The following CSMD3 variants were observed in gnomAD, a reference collection of about 807,000 sequenced individuals.
The protein encoded by CSMD3 is CUB and sushi domain-containing protein 3.
In CSMD3, 177 loss-of-function variants were observed where a neutral mutation model predicts 435.2. The observed-to-expected ratio is 0.41, with a 90% confidence interval of 0.36 to 0.46. The LOEUF (loss-of-function observed/expected upper bound fraction) is 0.46. CSMD3 is among the 20% of genes least tolerant of loss of function. The pLI, the probability that CSMD3 is intolerant of heterozygous loss-of-function variation, is 0.34. For missense variants in CSMD3, 4,265 were observed against 4,504.6 expected, an observed-to-expected ratio of 0.95 and a Z score of 1.52; for synonymous variants, 1,656 against 1,520.5, an observed-to-expected ratio of 1.09 and a Z score of -2.07.
At chr8:113,318,786 A>ATATGTGTGTG (rs71566042) in intron 1 of CSMD3, among the ~76,000 whole-genome samples, 2 of 140,066 alleles carry the variant, frequency 1.4e-5, no homozygotes, top group African/African-American at 2.7e-5. Flanking sequence ...GCTGAATAAG[A>ATATGTGTGTG]TGTGTGTGTG....
At chr8:112,312,551 T>A (rs1822088004) in intron 49 of CSMD3, among the ~76,000 whole-genome samples, 2 of 152,088 alleles carry the variant, frequency 1.3e-5, no homozygotes, top group African/African-American at 4.8e-5. Context: ...CCACCGCGCC[T>A]GGCCATGTTT....
At chr8:112,430,551 A>G (rs1271440682) in intron 32 of CSMD3, among the ~76,000 whole-genome samples, 1 of 151,874 alleles carries the variant, frequency 6.6e-6, no homozygotes, top group African/African-American at 2.4e-5. Flanking sequence ...AGTAATAAAA[A>G]TTATATATAT....
chr8:112,540,404 C>T (rs1826548865), intron 27 of CSMD3, among the ~76,000 whole-genome samples: 1 of 151,946 alleles, frequency 6.6e-6, no homozygotes, highest in African/African-American at 2.4e-5. Flanking sequence ...ATACAACTAC[C>T]ATATGATCCA....
At chr8:112,834,540 A>G (rs994904672) in intron 11 of CSMD3, among the ~76,000 whole-genome samples, 2 of 151,730 alleles carry the variant, frequency 1.3e-5, no homozygotes, top group Non-Finnish European at 3.0e-5. Context: ...GCTTAGGAAA[A>G]CAAAAACAAA....
At chr8:112,317,164 T>C (rs1395031688) in intron 47 of CSMD3, among the ~76,000 whole-genome samples, 2 of 151,994 alleles carry the variant, frequency 1.3e-5, no homozygotes, top group African/African-American at 2.4e-5. Context: ...ACAAAAATTT[T>C]CTATGTTTTC....
intron 5 of CSMD3, among the ~76,000 whole-genome samples, chr8:113,071,258 T>G (rs2089103166): frequency 6.6e-6 from 1 of 152,032 alleles, no homozygotes; most frequent in Admixed American, 6.6e-5. Context: ...TGGCTTGAAA[T>G]ATTTCTCCTC....
chr8:112,547,593 C>A (rs1393682353), intron 27 of CSMD3, among the ~76,000 whole-genome samples: 1 of 152,088 alleles, frequency 6.6e-6, no homozygotes, highest in Admixed American at 6.6e-5. Flanking sequence ...CAATGAATTG[C>A]TACGCCTTTT....
At chr8:112,784,921 T>C (rs559668769) in intron 13 of CSMD3, among the ~76,000 whole-genome samples, 3 of 152,026 alleles carry the variant, frequency 2.0e-5, no homozygotes, top group South Asian at 4.1e-4. Flanking sequence ...ACAAGGACAA[T>C]AGTATCCTGA....
chr8:113,329,593 A>C (rs2132760733), intron 1 of CSMD3, among the ~76,000 whole-genome samples: 1 of 152,308 alleles, frequency 6.6e-6, no homozygotes, highest in Middle Eastern at 3.4e-3. Flanking sequence ...GTGGGAAAAA[A>C]GTCGTCAAAT....
chr8:113,403,019 TCTGAA>T (rs2094516909), intron 1 of CSMD3, among the ~76,000 whole-genome samples: 1 of 151,274 alleles, frequency 6.6e-6, no homozygotes, highest in South Asian at 2.1e-4. Flanking sequence ...AATTGCACCC[TCTGAA>T]TGTAAAGACC....
rs1824055467 is a variant in CSMD3 at position 112,331,483 on chromosome 8, C to A, written c.7165+3846G>T. Among the ~76,000 whole-genome samples the A allele has an allele frequency of 2.0e-5, 3 of 151,926 alleles. 1 individual carries two copies. Among genetic ancestry groups the A allele is most frequent in the Middle Eastern group, 6.8e-3 (2 of 294 alleles). On this transcript the variant is annotated intron_variant, in intron 45 of 70. Coordinates refer to ENST00000297405, the MANE Select transcript of CSMD3 (RefSeq NM_198123.2). ...AAATGTTATTTTTGATCATAAAAGG[C>A]TTTACGAAGGTGATGTTTTATAAAA...
chr8:113,410,774 A>T (rs1214398975), intron 1 of CSMD3, among the ~76,000 whole-genome samples: 2 of 150,836 alleles, frequency 1.3e-5, no homozygotes, highest in Non-Finnish European at 2.9e-5. Flanking sequence ...GCAGGCTGGC[A>T]TGTGCCTGTA....
At chr8:113,209,886 T>C (rs2092812479) in intron 3 of CSMD3, among the ~76,000 whole-genome samples, 1 of 152,112 alleles carries the variant, frequency 6.6e-6, no homozygotes. Flanking sequence ...TTTTTGTTTC[T>C]ATACTTGCTT....
In CSMD3 at chr8:113,436,871, T is replaced by A. The variant is rs1233719283; in HGVS notation, c.-17A>T. The A allele has an allele frequency of 6.2e-7, 1 of 1,613,436 alleles. No individual in the cohort carries two copies. Among genetic ancestry groups the A allele is most frequent in the Admixed American group, 1.7e-5 (1 of 60,016 alleles). On this transcript the variant is annotated 5_prime_UTR_variant, in exon 1 of 71. Transcript: ENST00000297405. ...CCCTTTCATATTATTCGCGAGCTCC[T>A]AATTCCTGCTCCTCAGCCCGGCGCA...
In CSMD3 at chr8:113,190,032, AT is replaced by A. The variant is rs372071593; in HGVS notation, c.515-16117del. Among the ~76,000 whole-genome samples, 1,378 of 151,232 alleles carry A rather than the reference AT, an allele frequency of 9.1e-3. 8 individuals are homozygous for A. The highest frequency in any genetic ancestry group is 0.018 in the African/African-American group (730 of 41,374). ...ACTCTTCATGTGTTATAAATTTATA[AT>A]TTTTTTTTATTCATTTATTTACTTA... On this transcript the variant is annotated intron_variant, in intron 3 of 70. Transcript: ENST00000297405.
chr8:112,471,130 T>C (rs972578528), intron 32 of CSMD3, among the ~76,000 whole-genome samples: 1 of 152,158 alleles, frequency 6.6e-6, no homozygotes, highest in Non-Finnish European at 1.5e-5. Context: ...GACCAGCATG[T>C]CTATTTGTCA....
At chr8:112,741,873 A>G (rs2132058387) in intron 13 of CSMD3, among the ~76,000 whole-genome samples, 1 of 152,066 alleles carries the variant, frequency 6.6e-6, no homozygotes, top group South Asian at 2.1e-4. Context: ...GGATTGAATA[A>G]GAATTAAAAT....
In CSMD3 at chr8:113,399,158, A is replaced by G. The variant is rs375796508; in HGVS notation, c.178+37519T>C. Among the ~76,000 whole-genome samples, 36 of 146,438 alleles carry G rather than the reference A, an allele frequency of 2.5e-4. No homozygotes were observed. The East Asian group carries it at 7.1e-3, about 29-fold the overall frequency. On this transcript the variant is annotated intron_variant, in intron 1 of 70. Coordinates refer to ENST00000297405, the MANE Select transcript of CSMD3 (RefSeq NM_198123.2). ...TGTGTGTATATATACAGTAATTTTC[A>G]TATATATATATACCTATATATAAAA... is the stretch of plus-strand genomic sequence containing the variant.
chr8:113,060,176 G>A (rs1457147783), intron 5 of CSMD3, among the ~76,000 whole-genome samples: 1 of 109,282 alleles, frequency 9.2e-6, no homozygotes, highest in Non-Finnish European at 1.8e-5. Flanking sequence ...CCCAGAGTGT[G>A]ATATTCCCCT....
Sources: gnomAD v4.1 joint callset for allele counts (sites outside exome capture counted in the v4.1 genomes callset) on GRCh38, gnomAD v4.1.1 for gene constraint, MANE v1.5 for transcripts, NCBI Gene and HGNC (gene_info 2026-07-23, HGNC 2026-07-21) for gene names.